FHIT: variants seen among roughly 807,000 people sequenced by gnomAD.
FHIT encodes fragile histidine triad diadenosine triphosphatase.
A neutral mutation model predicts 17.9 loss-of-function variants in FHIT; 19 were observed. The observed-to-expected ratio is 1.06, with a 90% CI of 0.74 to 1.56. The LOEUF is 1.56. Ranked by LOEUF, FHIT falls within the 40% of genes most tolerant of loss-of-function variation. The pLI is 0.00. For missense variants in FHIT, 248 were observed against 189.2 expected (o/e 1.31, Z -1.82); for synonymous variants, 81 against 69.7 (o/e 1.16, Z -0.81).
At chr3:60,422,394 C>T (rs1702510224) in intron 5 of FHIT, among the ~76,000 whole-genome samples, 1 of 152,196 alleles carries the variant, frequency 6.6e-6, no homozygotes, top group African/African-American at 2.4e-5. Context: ...TGTACCCAAA[C>T]AGGGCATAGA....
intron 2 of FHIT, among the ~76,000 whole-genome samples, chr3:61,082,312 T>A (rs969386755): frequency 1.3e-5 from 2 of 152,212 alleles, no homozygotes; most frequent in African/African-American, 4.8e-5. Flanking sequence ...TAGTTTTACA[T>A]GGTTTGGGAT....
At chr3:60,171,513 A>T (rs1701414932) in intron 5 of FHIT, among the ~76,000 whole-genome samples, 1 of 152,210 alleles carries the variant, frequency 6.6e-6, no homozygotes, top group South Asian at 2.1e-4. Context: ...GAATTGCTGA[A>T]TTTCTGAATG....
At chr3:60,085,817 A>G (rs1703470559) in intron 5 of FHIT, among the ~76,000 whole-genome samples, 1 of 152,182 alleles carries the variant, frequency 6.6e-6, no homozygotes, top group South Asian at 2.1e-4. Context: ...TGTTGGCTCT[A>G]CAGTGCTGCT....
intron 2 of FHIT, among the ~76,000 whole-genome samples, chr3:61,152,126 T>C (rs529547851): frequency 2.6e-5 from 4 of 152,330 alleles, no homozygotes; most frequent in African/African-American, 9.6e-5. Context: ...CTGATAGGAT[T>C]AAACAGTTGA....
intron 3 of FHIT, among the ~76,000 whole-genome samples, chr3:60,838,446 T>A (rs1201350804): frequency 3.3e-5 from 5 of 152,192 alleles, no homozygotes; most frequent in African/African-American, 4.8e-5. Flanking sequence ...CACTCCAGCC[T>A]GGGCGACAGA....
intron 3 of FHIT, among the ~76,000 whole-genome samples, chr3:60,907,933 T>C (rs918212279): frequency 3.3e-5 from 5 of 152,188 alleles, no homozygotes; most frequent in African/African-American, 1.2e-4. Context: ...AGAAGTAAAA[T>C]AACTTGCCCA....
chr3:60,920,631 G>T (rs1227943883), intron 3 of FHIT, among the ~76,000 whole-genome samples: 2 of 152,092 alleles, frequency 1.3e-5, no homozygotes, highest in Non-Finnish European at 2.9e-5. Context: ...AGGACCTGGG[G>T]AAGAGGAAAC....
At chr3:60,371,155 C>G (rs537277574) in intron 5 of FHIT, among the ~76,000 whole-genome samples, 22 of 152,138 alleles carry the variant, frequency 1.4e-4, no homozygotes, top group Non-Finnish European at 2.9e-4. Context: ...TTACTGGACT[C>G]TATTTGAAAT....
chr3:59,871,275 T>C lies in FHIT; in HGVS notation c.348+51071A>G, dbSNP rs139367716. On this transcript the variant is annotated intron_variant, in intron 8 of 9. Coordinates refer to ENST00000492590, the MANE Select transcript of FHIT (RefSeq NM_002012.4). ...ACATTTCTGAAGCCAGTGAGAGCAA[T>C]ATCAGAGAGCATCAATATTGTAAAT... is the stretch of plus-strand genomic sequence containing the variant. 2.5e-3 allele frequency among the ~76,000 whole-genome samples: 382 copies of C among 152,296 alleles called. 1 individual carries two copies. The highest frequency in any genetic ancestry group is 8.7e-3 in the African/African-American group (362 of 41,566).
chr3:60,204,890 C>T (rs1242756113), intron 5 of FHIT, among the ~76,000 whole-genome samples: 2 of 151,712 alleles, frequency 1.3e-5, no homozygotes, highest in Non-Finnish European at 2.9e-5. Flanking sequence ...GACAATCTAT[C>T]CCATTAAAAG....
At chr3:60,041,400 A>C (rs764921094) in intron 5 of FHIT, among the ~76,000 whole-genome samples, 1 of 152,182 alleles carries the variant, frequency 6.6e-6, no homozygotes. Flanking sequence ...GCAATAATTT[A>C]CACTTCAGGA....
At chr3:60,877,948 A>G (rs1450736643) in intron 3 of FHIT, among the ~76,000 whole-genome samples, 5 of 152,042 alleles carry the variant, frequency 3.3e-5, no homozygotes, top group Non-Finnish European at 7.4e-5. Context: ...GGATACAGAT[A>G]TGCCCCACCA....
intron 4 of FHIT, among the ~76,000 whole-genome samples, chr3:60,711,388 G>A (rs185950404): frequency 5.9e-5 from 9 of 152,198 alleles, no homozygotes; most frequent in Non-Finnish European, 1.3e-4. Context: ...CCAAAGGAAC[G>A]CAGCTCCTCA....
chr3:60,460,421 A>G (rs960653934), intron 5 of FHIT, among the ~76,000 whole-genome samples: 19 of 152,302 alleles, frequency 1.2e-4, no homozygotes, highest in African/African-American at 4.6e-4. Flanking sequence ...TGGTTAAAAA[A>G]AAAAGAACCA....
intron 2 of FHIT, among the ~76,000 whole-genome samples, chr3:61,106,731 G>T (rs2036000581): frequency 6.6e-6 from 1 of 152,120 alleles, no homozygotes; most frequent in Admixed American, 6.6e-5. Flanking sequence ...GCGCATGTCA[G>T]CTCACTGCAA....
chr3:59,993,491 C>A (rs778357316), intron 7 of FHIT, among the ~76,000 whole-genome samples: 1 of 151,976 alleles, frequency 6.6e-6, no homozygotes, highest in Non-Finnish European at 1.5e-5. Flanking sequence ...GGAGAATTTA[C>A]GAAACCTCAA....
At chr3:59,934,261 G>A (rs1354383574) in intron 7 of FHIT, among the ~76,000 whole-genome samples, 6 of 152,030 alleles carry the variant, frequency 3.9e-5, no homozygotes, top group African/African-American at 7.2e-5. Flanking sequence ...AACTAAGGCC[G>A]AGGAACGTGG....
intron 5 of FHIT, among the ~76,000 whole-genome samples, chr3:60,475,319 A>T (rs182374564): frequency 1.0e-3 from 156 of 152,348 alleles, no homozygotes; most frequent in African/African-American, 3.5e-3. Flanking sequence ...CCCTTAGCTG[A>T]AATGATGCAT....
chr3:60,505,271 A>C (rs1341937406), intron 5 of FHIT, among the ~76,000 whole-genome samples: 1 of 152,144 alleles, frequency 6.6e-6, no homozygotes, highest in African/African-American at 2.4e-5. Context: ...TGATTTTTGC[A>C]ATTAGGATGG....
Sources: gnomAD v4.1 joint callset for allele counts (sites outside exome capture counted in the v4.1 genomes callset) on GRCh38, gnomAD v4.1.1 for gene constraint, MANE v1.5 for transcripts, NCBI Gene and HGNC (gene_info 2026-07-23, HGNC 2026-07-21) for gene names.